TMEM132D: variants seen among roughly 807,000 people sequenced by gnomAD.
TMEM132D encodes the protein mature OL transmembrane protein.
TMEM132D carries 21 observed loss-of-function variants against 62.3 expected under a neutral mutation model. The ratio of observed to expected loss-of-function variants is 0.34; its 90% CI spans 0.24 to 0.49. The LOEUF is 0.49. Among genes scored for constraint, TMEM132D ranks in the 20% least tolerant of loss-of-function variants. TMEM132D has a pLI of 0.99. For missense variants in TMEM132D, 1,346 were observed against 1,402.8 expected, an observed-to-expected ratio of 0.96 and a Z score of 0.65; for synonymous variants, 621 against 575.6, an observed-to-expected ratio of 1.08 and a Z score of -1.13.
At chr12:129,097,396 C>A (rs1875150673) in intron 5 of TMEM132D, among the ~76,000 whole-genome samples, 2 of 152,234 alleles carry the variant, frequency 1.3e-5, no homozygotes, top group South Asian at 4.1e-4. Flanking sequence ...TAAATGAATG[C>A]ACATTCTCTG....
chr12:129,180,370 T>C (rs1878031916), intron 5 of TMEM132D, among the ~76,000 whole-genome samples: 1 of 152,214 alleles, frequency 6.6e-6, no homozygotes, highest in African/African-American at 2.4e-5. Context: ...GGTTCTGTGA[T>C]GAGTCCCTGC....
intron 1 of TMEM132D, among the ~76,000 whole-genome samples, chr12:129,776,769 A>G (rs796863172): frequency 3.5e-5 from 5 of 144,496 alleles, no homozygotes; most frequent in African/African-American, 1.0e-4. Flanking sequence ...CTGTAGCTAC[A>G]TTTTTAAATA....
chr12:129,882,275 C>T (rs1874620729), intron 1 of TMEM132D, among the ~76,000 whole-genome samples: 1 of 151,980 alleles, frequency 6.6e-6, no homozygotes, highest in African/African-American at 2.4e-5. Context: ...TTACGAAGCC[C>T]GTAGTACCCT....
At chr12:129,712,521 T>TGCCTGGTGGA (rs1868408317) in intron 1 of TMEM132D, among the ~76,000 whole-genome samples, 1 of 152,228 alleles carries the variant, frequency 6.6e-6, no homozygotes, top group South Asian at 2.1e-4. Context: ...CCTCCATCAC[T>TGCCTGGTGGA]GCCTGGTGGA....
chr12:129,819,307 G>A (rs1453803126), intron 1 of TMEM132D, among the ~76,000 whole-genome samples: 1 of 152,092 alleles, frequency 6.6e-6, no homozygotes, highest in Non-Finnish European at 1.5e-5. Flanking sequence ...AGCTACAAAG[G>A]AGAATTGGCA....
chr12:129,903,079 C>A lies in TMEM132D; in HGVS notation c.79+182G>T, dbSNP rs1396808308. On this transcript the variant is annotated intron_variant, in intron 1 of 8. Coordinates refer to ENST00000422113, the MANE Select transcript of TMEM132D (RefSeq NM_133448.3). The surrounding 1 kb of genome is among the most constrained non-coding windows in gnomAD (Gnocchi z 6.2). ...ACAAGCACCTTCGGCCAAGGGGCGT[C>A]CGAGGAGCTTGGCTGCCGCACGAGC... is the stretch of plus-strand genomic sequence containing the variant. 6.6e-6 allele frequency among the ~76,000 whole-genome samples: 1 copy of A among 152,234 alleles called. No individual in the cohort carries two copies. Among genetic ancestry groups the A allele is most frequent in the African/African-American group, 2.4e-5 (1 of 41,474 alleles).
chr12:129,606,764 A>T (rs533609302), intron 2 of TMEM132D, among the ~76,000 whole-genome samples: 2 of 152,324 alleles, frequency 1.3e-5, no homozygotes, highest in African/African-American at 4.8e-5. Flanking sequence ...AAAAAGTTAC[A>T]TTAAATTGGA....
intron 4 of TMEM132D, among the ~76,000 whole-genome samples, chr12:129,292,587 C>A (rs186664042): frequency 2.4e-3 from 358 of 152,330 alleles, no homozygotes; most frequent in African/African-American, 8.3e-3. Flanking sequence ...TAAACCTAAC[C>A]TCTGGTTCCT....
chr12:129,775,139 C>G (rs77580579), intron 1 of TMEM132D, among the ~76,000 whole-genome samples: 1,863 of 152,252 alleles, frequency 0.012, 39 homozygotes, highest in African/African-American at 0.042. Flanking sequence ...GTGTAATAAT[C>G]TAAAGAGGAA....
rs750542701 is a variant in TMEM132D at position 129,337,648 on chromosome 12, C to T, written c.1285G>A (p.Val429Met). ...GGCTTGCTTACCATAGCCAGCGGCA[C>T]AACTCCAATCAAGTCCTTTGGGCTC... is the stretch of plus-strand genomic sequence containing the variant. ...YVSPKDLIGVVPLAMEAEILN... is the reference protein window; with the variant it reads ...YVSPKDLIGVMPLAMEAEILN... The change falls in exon 4 of 9, where the codon GTG (valine) becomes ATG (methionine). Residue 429 changes from valine (V) to methionine (M), a missense_variant. Transcript: ENST00000422113. 3 of 1,614,038 alleles carry T rather than the reference C, an allele frequency of 1.9e-6. No homozygotes were observed. The highest frequency in any genetic ancestry group is 2.5e-6 in the Non-Finnish European group (3 of 1,179,966).
chr12:129,091,366 T>TTA (rs1874909640), intron 5 of TMEM132D, among the ~76,000 whole-genome samples: 1 of 120,956 alleles, frequency 8.3e-6, no homozygotes. Context: ...TGGGGACCCT[T>TTA]CCTAAGCTCA....
At chr12:129,553,574 C>A (rs1389303501) in intron 2 of TMEM132D, among the ~76,000 whole-genome samples, 2 of 152,168 alleles carry the variant, frequency 1.3e-5, no homozygotes, top group Non-Finnish European at 2.9e-5. Flanking sequence ...ATTTGTAACA[C>A]CTGCCCATTT....
chr12:129,247,447 G>T (rs917481835), intron 4 of TMEM132D, among the ~76,000 whole-genome samples: 1 of 152,210 alleles, frequency 6.6e-6, no homozygotes, highest in Non-Finnish European at 1.5e-5. Context: ...TATTGAAATA[G>T]GTCATGCTCT....
chr12:129,593,004 T>C (rs1878236580), intron 2 of TMEM132D, among the ~76,000 whole-genome samples: 1 of 152,174 alleles, frequency 6.6e-6, no homozygotes, highest in Admixed American at 6.5e-5. Context: ...GACACCTGGG[T>C]AAATTCCCAA....
chr12:129,400,011 T>A (rs1199957316), intron 3 of TMEM132D, among the ~76,000 whole-genome samples: 1 of 152,014 alleles, frequency 6.6e-6, no homozygotes, highest in African/African-American at 2.4e-5. Context: ...TGATGATAGA[T>A]CATTATGCAA....
intron 1 of TMEM132D, among the ~76,000 whole-genome samples, chr12:129,798,629 C>T (rs1026143858): frequency 6.6e-6 from 1 of 152,046 alleles, no homozygotes; most frequent in African/African-American, 2.4e-5. Flanking sequence ...CAGTGAGCTC[C>T]GTGGGTCTTC....
intron 3 of TMEM132D, among the ~76,000 whole-genome samples, chr12:129,449,786 C>A (rs978640039): frequency 6.6e-6 from 1 of 152,206 alleles, no homozygotes; most frequent in African/African-American, 2.4e-5. Flanking sequence ...CTCAGGTACA[C>A]ACACAAAACA....
At chr12:129,354,147 G>A (rs1869959052) in intron 3 of TMEM132D, among the ~76,000 whole-genome samples, 1 of 152,034 alleles carries the variant, frequency 6.6e-6, no homozygotes, top group Non-Finnish European at 1.5e-5. Flanking sequence ...GTCCTTCAGG[G>A]CTGAGGCACA....
chr12:129,120,310 G>A (rs1876019779), intron 5 of TMEM132D, among the ~76,000 whole-genome samples: 1 of 152,166 alleles, frequency 6.6e-6, no homozygotes, highest in East Asian at 1.9e-4. Flanking sequence ...AGAAGGAACA[G>A]GATGCTTGCA....
Sources: gnomAD v4.1 joint callset for allele counts (sites outside exome capture counted in the v4.1 genomes callset) on GRCh38, gnomAD v4.1.1 for gene constraint, Gnocchi (gnomAD v3.1) non-coding constraint, MANE v1.5 for transcripts, NCBI Gene and HGNC (gene_info 2026-07-23, HGNC 2026-07-21) for gene names.